DUXB: variants seen among roughly 807,000 people sequenced by gnomAD.
The protein encoded by DUXB is double homeobox B.
In DUXB, 22 loss-of-function variants were observed where a neutral mutation model predicts 8.9. That is an observed-to-expected ratio of 2.46 (90% CI 1.76 to 3.52). The LOEUF (loss-of-function observed/expected upper bound fraction) is 3.52. Ranked by LOEUF, DUXB falls within the 30% of genes most tolerant of loss-of-function variation. DUXB has a pLI of 0.00. For missense variants in DUXB, 237 were observed against 108.7 expected (o/e 2.18, Z -5.25); for synonymous variants, 84 against 37.6 (o/e 2.23, Z -4.52).
At position 75,700,141 on chromosome 16, in the gene DUXB, G is replaced by C. The variant is rs1567523225; in HGVS notation, c.54C>G (p.Asn18Lys). The C allele has an allele frequency of 2.8e-6, 2 of 702,270 alleles. No homozygotes were observed. The highest frequency in any genetic ancestry group is 2.6e-6 in the Non-Finnish European group (1 of 384,774). The allele number at this position is 702,270 out of a possible 1,614,324, so 43.5% of individuals were successfully genotyped here. ...TTTGACTCTGGTTATACTGAATTCT[G>C]TTTCTCCAGAATTCTTTTTGAAGTA... is the stretch of plus-strand genomic sequence containing the variant. ...GGILQKEFWR[N>K]RIQYNQSQKD... is the part of the protein sequence containing the mutation. The change falls in exon 2 of 5, where the codon AAC (asparagine) becomes AAG (lysine). Residue 18 changes from asparagine to lysine, a missense_variant. Coordinates refer to ENST00000633875, the MANE Select transcript of DUXB (RefSeq NM_001351307.2).
intron 4 of DUXB, among the ~76,000 whole-genome samples, chr16:75,695,576 G>C (rs144098743): frequency 2.0e-3 from 298 of 152,296 alleles, no homozygotes; most frequent in African/African-American, 6.6e-3. Context: ...TCACAAATAG[G>C]GGGGAGAGAA....
intron 3 of DUXB, 105 bp from the exon 4 acceptor site, chr16:75,696,220 G>T: frequency 1.6e-6 from 1 of 641,404 alleles, no homozygotes; most frequent in Non-Finnish European, 2.8e-6. Flanking sequence ...AATCCCCGAG[G>T]TGGCAGAAGA....
At chr16:75,695,394 A>G (rs1174533269) in intron 4 of DUXB, among the ~76,000 whole-genome samples, 9 of 152,224 alleles carry the variant, frequency 5.9e-5, no homozygotes, top group Admixed American at 5.9e-4. Flanking sequence ...AAATAAATGT[A>G]TTTGAGAGTT....
chr16:75,698,283 G>C (rs1343713439), intron 2 of DUXB, among the ~76,000 whole-genome samples: 1 of 152,144 alleles, frequency 6.6e-6, no homozygotes, highest in East Asian at 1.9e-4. Flanking sequence ...ACTGGGACTT[G>C]AGTAATCCTT....
intron 3 of DUXB, among the ~76,000 whole-genome samples, 152 bp from the exon 4 acceptor site, chr16:75,696,267 C>G (rs116559961): frequency 0.061 from 9,249 of 152,272 alleles, 402 homozygotes; most frequent in African/African-American, 0.12. Context: ...AAGCCCAGAG[C>G]TAGGCTGGGC....
chr16:75,694,449 G>A lies in DUXB; in HGVS notation c.518C>T (p.Pro173Leu), dbSNP rs920120281. ...AACAGTTGCATCTGGTCTCTCATTTGGGTCGTCTACCAATAAATTCATGGG... is the reference window on the plus strand; with the variant it reads ...AACAGTTGCATCTGGTCTCTCATTTAGGTCGTCTACCAATAAATTCATGGG... ...MEPMNLLVDD[P>L]NERPDATVGW... Residue 173 changes from proline (P) to leucine (L), a missense_variant, in exon 5 of 5, where the codon CCA becomes CTA. Transcript: ENST00000633875. The A allele has an allele frequency of 3.1e-5, 22 of 702,584 alleles. No individual in the cohort carries two copies. In the African/African-American group the frequency reaches 3.8e-4, roughly 12 times the overall value. 43.5% of individuals were successfully genotyped at this position (702,584 alleles called of 1,614,324 possible). A position where few individuals can be genotyped will look rare whatever the true frequency, so the allele number is the denominator to read the frequency against.
intron 4 of DUXB, among the ~76,000 whole-genome samples, chr16:75,695,584 G>A (rs2082599217): frequency 6.6e-6 from 1 of 152,200 alleles, no homozygotes. Context: ...AGGGGGGAGA[G>A]AATGTGGGCA....
intron 3 of DUXB, among the ~76,000 whole-genome samples, 154 bp downstream of exon 3, chr16:75,696,684 A>G (rs2082610109): frequency 6.6e-6 from 1 of 152,228 alleles, no homozygotes; most frequent in Admixed American, 6.5e-5. Context: ...CTTCTATAAC[A>G]AACTTACTTT....
chr16:75,695,804 T>C, intron 4 of DUXB, 157 bp downstream of exon 4: 1 of 595,108 alleles, frequency 1.7e-6, no homozygotes. Context: ...AATTCTTCCT[T>C]GACAAAAACG....
At chr16:75,696,199 T>C (rs566709420) in intron 3 of DUXB, 84 bp from the exon 4 acceptor site, 12 of 666,656 alleles carry the variant, frequency 1.8e-5, no homozygotes, top group South Asian at 1.2e-4. Context: ...TGGCCATATT[T>C]GTTCTCTCTG....
At chr16:75,699,950 G>A (rs182474960) in intron 2 of DUXB, 65 bp downstream of exon 2, 9 of 601,836 alleles carry the variant, frequency 1.5e-5, no homozygotes, top group South Asian at 1.4e-4. Flanking sequence ...TGGCAAAAGC[G>A]CTGGGCCTAG....
chr16:75,694,969 C>G (rs1203081905), intron 4 of DUXB, among the ~76,000 whole-genome samples: 1 of 152,070 alleles, frequency 6.6e-6, no homozygotes, highest in East Asian at 1.9e-4. Context: ...TGAGGGATGA[C>G]TGTATATGAA....
chr16:75,697,361 C>A (rs923581452), intron 2 of DUXB, among the ~76,000 whole-genome samples: 5 of 152,162 alleles, frequency 3.3e-5, no homozygotes, highest in African/African-American at 1.2e-4. Context: ...ATTAATTGCA[C>A]AAAAATTTCT....
Position 75,701,378 on chromosome 16 carries a change from G to T in DUXB, c.25+16C>A, listed in dbSNP as rs187553943. 98 of 398,562 alleles carry T rather than the reference G, an allele frequency of 2.5e-4. No individual in the cohort carries two copies. Among genetic ancestry groups the T allele is most frequent in the African/African-American group, 1.8e-3 (90 of 48,698 alleles). 24.7% of individuals were successfully genotyped at this position (398,562 alleles called of 1,614,324 possible). On this transcript the variant is annotated intron_variant, in intron 1 of 4. Coordinates refer to ENST00000633875, the MANE Select transcript of DUXB (RefSeq NM_001351307.2). The stretch of plus-strand genomic sequence containing the variant: ...AGCAATCCCAAAGAACAGAGAAAAG[G>T]CTGATGGGAACTTACCACCTGAAGT...
At position 75,694,352 on chromosome 16, in the gene DUXB, G is replaced by A. The variant is rs763354109; in HGVS notation, c.615C>T (p.Ser205=). 4.3e-4 allele frequency: 283 copies of A among 653,312 alleles called. No homozygotes were observed. The Middle Eastern group carries it at 4.4e-3, about 10-fold the overall frequency. 40.5% of individuals were successfully genotyped at this position (653,312 alleles called of 1,614,324 possible). A position where few individuals can be genotyped will look rare whatever the true frequency, so the allele number is the denominator to read the frequency against. Residue 205 remains serine, a synonymous_variant, in exon 5 of 5, where the codon AGC becomes AGT. Transcript: ENST00000633875. The part of the protein sequence containing the change: ...SHYFSCSHSS[S]GHETLPPVLP... ...GAACAGGTGGAAGAGTTTCATGCCC[G>A]CTGGAAGAATGTGAGCAAGAAAAAT...
chr16:75,694,022 C>G lies in DUXB; in HGVS notation c.945G>C (p.Leu315=). The change falls in exon 5 of 5, where the codon CTG becomes CTC. Residue 315 remains leucine, a synonymous_variant. Transcript: ENST00000633875. The part of the protein sequence containing the change: ...PEHREQQPLN[L]GQFDISNILQ... ...AAATGTTCGATATGTCAAACTGACC[C>G]AGATTTAGAGGTTGTTGCTCCCTGT... The G allele has an allele frequency of 2.5e-6, 1 of 402,070 alleles. No homozygotes were observed. The highest frequency in any genetic ancestry group is 4.4e-6 in the Non-Finnish European group (1 of 228,806). The allele number at this position is 402,070 out of a possible 1,614,324, so 24.9% of individuals were successfully genotyped here. A position where few individuals can be genotyped will look rare whatever the true frequency, so the allele number is the denominator to read the frequency against.
In DUXB at chr16:75,694,417, G is replaced by T; in HGVS notation, c.550C>A (p.His184Asn). 1 of 699,018 alleles carries T rather than the reference G, an allele frequency of 1.4e-6. No homozygotes were observed. Among genetic ancestry groups the T allele is most frequent in the East Asian group, 2.7e-5 (1 of 37,182 alleles). The allele number at this position is 699,018 out of a possible 1,614,324, so 43.3% of individuals were successfully genotyped here. Residue 184 changes from histidine (H) to asparagine (N), a missense_variant, in exon 5 of 5, where the codon CAT becomes AAT. Transcript: ENST00000633875. ...NERPDATVGWHPINLFLPTDS... is the reference protein window; with the variant it reads ...NERPDATVGWNPINLFLPTDS... ...GTGGGGAGGAACAGGTTGATTGGAT[G>T]CCACCCAACAGTTGCATCTGGTCTC...
In DUXB at chr16:75,697,055, C is replaced by A. The variant is rs1023418618; in HGVS notation, c.181-112G>T. 6.4e-6 allele frequency: 4 copies of A among 623,958 alleles called. No individual in the cohort carries two copies. The African/African-American group carries it at 7.3e-5, about 11-fold the overall frequency. 38.7% of individuals were successfully genotyped at this position (623,958 alleles called of 1,614,324 possible). ...TGACTGCCTGTGGCTGGAATAATGC[C>A]CACAAGAGAAAGGCAATCCATTATC... is the stretch of plus-strand genomic sequence containing the variant. On this transcript the variant is annotated intron_variant, in intron 2 of 4. Coordinates refer to ENST00000633875, the MANE Select transcript of DUXB (RefSeq NM_001351307.2).
chr16:75,695,353 T>G (rs540943367), intron 4 of DUXB, among the ~76,000 whole-genome samples: 3 of 152,384 alleles, frequency 2.0e-5, no homozygotes, highest in African/African-American at 7.2e-5. Flanking sequence ...TGTGTACATG[T>G]GTATTCATCT....
Sources: allele counts gnomAD v4.1 joint callset (sites outside exome capture counted in the v4.1 genomes callset), GRCh38; gene constraint gnomAD v4.1.1; transcripts MANE v1.5; gene names NCBI Gene and HGNC (gene_info 2026-07-23, HGNC 2026-07-21).